Variants in SHROOM4 observed in about 807,000 individuals in gnomAD.
SHROOM4 encodes shroom family member 4, also known as protein Shroom4.
SHROOM4 carries 17 observed loss-of-function variants against 80.3 expected under a neutral mutation model. The ratio of observed to expected loss-of-function variants is 0.21; its 90% CI spans 0.14 to 0.32. The LOEUF is 0.32. SHROOM4 is among the 10% of genes least tolerant of loss of function. The pLI, the probability that SHROOM4 is intolerant of heterozygous loss-of-function variation, is 1.00. For missense variants in SHROOM4, 993 were observed against 1,140.3 expected (o/e 0.87, Z 1.86); for synonymous variants, 400 against 437.5 (o/e 0.91, Z 1.07).
At chrX:50,752,702 T>C (rs1245460020) in intron 1 of SHROOM4, among the ~76,000 whole-genome samples, 1 of 112,073 alleles carries the variant, frequency 8.9e-6, no homozygotes, top group Non-Finnish European at 1.9e-5. Flanking sequence ...CAGGTTGGAA[T>C]CCTCATTTAT....
At chrX:50,643,164 C>T (rs1233551276) in intron 2 of SHROOM4, 1 of 111,904 alleles carries the variant, frequency 8.9e-6, no homozygotes, top group Non-Finnish European at 1.9e-5. Context: ...AAGGCTGGCT[C>T]AGGCACTATC....
the SHROOM4 span, among the ~76,000 whole-genome samples, chrX:50,578,900 T>C: frequency 9.0e-6 from 1 of 110,888 alleles, no homozygotes; most frequent in African/African-American, 3.3e-5. Context: ...ACATGGGGAG[T>C]AAGGGCAAGT....
chrX:50,638,547 C>T (rs1224328342), intron 2 of SHROOM4, among the ~76,000 whole-genome samples: 1 of 112,404 alleles, frequency 8.9e-6, no homozygotes, highest in African/African-American at 3.2e-5. Context: ...GAGCACGTAT[C>T]ACAGTGCTGG....
At chrX:50,798,514 A>G (rs924227546) in intron 1 of SHROOM4, among the ~76,000 whole-genome samples, 3 of 111,547 alleles carry the variant, frequency 2.7e-5, no homozygotes, top group Non-Finnish European at 5.6e-5. Flanking sequence ...AAACACAGAA[A>G]GGGGCTTTGG....
chrX:50,646,527 A>AGTGT (rs782016561), intron 2 of SHROOM4, among the ~76,000 whole-genome samples: 3,657 of 78,689 alleles, frequency 0.046, 79 homozygotes, highest in East Asian at 0.07. Flanking sequence ...AGGGGGGAAG[A>AGTGT]GTGTGTGTGT....
At chrX:50,667,002 AT>A (rs1350389702) in intron 2 of SHROOM4, among the ~76,000 whole-genome samples, 1 of 112,034 alleles carries the variant, frequency 8.9e-6, no homozygotes, top group Non-Finnish European at 1.9e-5. Context: ...AGAGACAATC[AT>A]TTTTAGCTGA....
chrX:50,651,315 C>T (rs1199068528), intron 2 of SHROOM4, among the ~76,000 whole-genome samples: 3 of 111,858 alleles, frequency 2.7e-5, no homozygotes, highest in African/African-American at 9.8e-5. Context: ...TCATATACAC[C>T]ATTCCATTTC....
At chrX:50,581,139 T>C in the SHROOM4 span, among the ~76,000 whole-genome samples, 1 of 111,316 alleles carries the variant, frequency 9.0e-6, no homozygotes, top group Admixed American at 9.5e-5. Context: ...AAATATAGAG[T>C]TGTGGATGTA....
At position 50,593,723 on chromosome X, in the gene SHROOM4, G is replaced by T. The variant is rs909352788; in HGVS notation, c.*2972C>A. ...AGGGTCGGGTTCAGGATGTGGCTCT[G>T]GTGTGCCTGGGCAGCTTTATGGCAC... On this transcript the variant is annotated 3_prime_UTR_variant, in exon 9 of 9. Transcript: ENST00000376020. The T allele has an allele frequency of 1.8e-5, 2 of 112,292 alleles. No homozygotes were observed. The highest frequency in any genetic ancestry group is 3.2e-5 in the African/African-American group (1 of 30,892). 9.3% of individuals were successfully genotyped at this position (112,292 alleles called of 1,213,427 possible). A position where few individuals can be genotyped will look rare whatever the true frequency, so the allele number is the denominator to read the frequency against.
intron 2 of SHROOM4, among the ~76,000 whole-genome samples, chrX:50,678,469 C>G (rs182992433): frequency 8.1e-4 from 90 of 111,567 alleles, no homozygotes; most frequent in Admixed American, 1.7e-3. Flanking sequence ...CTACCCTATG[C>G]AGAAAACACC....
chrX:50,655,374 C>T (rs1932264146), intron 2 of SHROOM4, among the ~76,000 whole-genome samples: 1 of 109,089 alleles, frequency 9.2e-6, no homozygotes, highest in Admixed American at 9.9e-5. Context: ...TGGTATTTGT[C>T]CTTCTGTGCC....
At position 50,635,521 on chromosome X, in the gene SHROOM4, G is replaced by C. The variant is rs782070836; in HGVS notation, c.552C>G (p.Asn184Lys). 3.3e-6 allele frequency: 4 copies of C among 1,211,100 alleles called. No individual in the cohort carries two copies. The South Asian group carries it at 5.3e-5, about 16-fold the overall frequency. Residue 184 changes from asparagine (N) to lysine (K), a missense_variant, in exon 4 of 9, where the codon AAC (asparagine) becomes AAG (lysine). Coordinates refer to ENST00000376020, the MANE Select transcript of SHROOM4 (RefSeq NM_020717.5). Reference protein sequence around the residue: ...LLPIDQNMYPNQRDSAYSSFS... With the variant: ...LLPIDQNMYPKQRDSAYSSFS... Reference sequence around the variant, plus strand: ...AGGAGCTGTAGGCTGAGTCACGCTGGTTAGGGTACATGTTCTGGTCAATAG... The same window carrying C: ...AGGAGCTGTAGGCTGAGTCACGCTGCTTAGGGTACATGTTCTGGTCAATAG...
At chrX:50,646,524 A>AGG (rs1931842640) in intron 2 of SHROOM4, among the ~76,000 whole-genome samples, 1 of 50,096 alleles carries the variant, frequency 2.0e-5, no homozygotes, top group Non-Finnish European at 4.2e-5. Flanking sequence ...CCAAGGGGGG[A>AGG]AGAGTGTGTG....
At chrX:50,716,012 C>G (rs1461639410) in intron 1 of SHROOM4, among the ~76,000 whole-genome samples, 1 of 110,713 alleles carries the variant, frequency 9.0e-6, no homozygotes, top group African/African-American at 3.3e-5. Context: ...CAATGAAACA[C>G]TATGCAACCT....
intron 3 of SHROOM4, 102 bp downstream of exon 3, chrX:50,638,072 G>A: frequency 9.7e-7 from 1 of 1,033,570 alleles, no homozygotes; most frequent in Non-Finnish European, 1.3e-6. Context: ...TTCCATTATA[G>A]TACTTGAGGC....
intron 2 of SHROOM4, among the ~76,000 whole-genome samples, chrX:50,689,948 C>T (rs1884421633): frequency 9.0e-6 from 1 of 111,671 alleles, no homozygotes; most frequent in Admixed American, 9.5e-5. Flanking sequence ...GTAATGCTAG[C>T]TTCAAAAACA....
In SHROOM4 at chrX:50,589,278, T is replaced by A. The variant is rs1374236483; in HGVS notation, c.*7417A>T. Among the ~76,000 whole-genome samples the A allele has an allele frequency of 8.9e-6, 1 of 112,050 alleles. No individual in the cohort carries two copies. Among genetic ancestry groups the A allele is most frequent in the Non-Finnish European group, 1.9e-5 (1 of 53,166 alleles). Reference sequence around the variant, plus strand: ...TGATGGAAATAATCAATAGCTTTTTTAAAAAAACACACTTATTGAGAAATA... The same window carrying A: ...TGATGGAAATAATCAATAGCTTTTTAAAAAAAACACACTTATTGAGAAATA... On this transcript the variant is annotated 3_prime_UTR_variant, in exon 9 of 9. Coordinates refer to ENST00000376020, the MANE Select transcript of SHROOM4 (RefSeq NM_020717.5).
At chrX:50,699,643 T>C (rs1397462974) in intron 1 of SHROOM4, among the ~76,000 whole-genome samples, 1 of 112,159 alleles carries the variant, frequency 8.9e-6, no homozygotes, top group Admixed American at 9.4e-5. Context: ...GTCAGGACAC[T>C]GAGAGAAAGA....
intron 2 of SHROOM4, among the ~76,000 whole-genome samples, chrX:50,683,022 A>G (rs1293478845): frequency 9.0e-6 from 1 of 111,490 alleles, no homozygotes; most frequent in Non-Finnish European, 1.9e-5. Flanking sequence ...TCTTTCTGCC[A>G]TGCTGGATGC....
Sources: allele counts gnomAD v4.1 joint callset (sites outside exome capture counted in the v4.1 genomes callset), GRCh38; gene constraint gnomAD v4.1.1; transcripts MANE v1.5; gene names NCBI Gene and HGNC (gene_info 2026-07-23, HGNC 2026-07-21).